LONP2: variants seen among roughly 807,000 people sequenced by gnomAD.
LONP2 encodes the protein lon peptidase 2, peroxisomal, also known as lon protease homolog 2, peroxisomal.
A neutral mutation model predicts 85.6 loss-of-function variants in LONP2; 60 were observed. The observed-to-expected ratio is 0.70, with a 90% CI of 0.57 to 0.87. LONP2 has a LOEUF of 0.87. Ranked by LOEUF, LONP2 falls within the 40% of genes least tolerant of loss-of-function variation. The pLI, the probability that LONP2 is intolerant of heterozygous loss-of-function variation, is 0.00. For missense variants in LONP2, 860 were observed against 1,063.5 expected, an observed-to-expected ratio of 0.81 and a Z score of 2.66; for synonymous variants, 395 against 389.7, an observed-to-expected ratio of 1.01 and a Z score of -0.16.
chr16:48,294,137 C>T (rs1596956304), intron 8 of LONP2, among the ~76,000 whole-genome samples: 2 of 152,186 alleles, frequency 1.3e-5, no homozygotes. Context: ...GACAGAGTTT[C>T]ACCATGTTGG....
chr16:48,258,747 A>G lies in LONP2; in HGVS notation c.723+7A>G. 1 of 1,593,178 alleles carries G rather than the reference A, an allele frequency of 6.3e-7. No homozygotes were observed. Among genetic ancestry groups the G allele is most frequent in the Non-Finnish European group, 8.5e-7 (1 of 1,173,738 alleles). ...GCAAGATGATGATAAGAGGGTAAAT[A>G]TTTATTTTAACCCATTTCAGTTTTG... On this transcript the variant is annotated splice_region_variant and intron_variant, in intron 4 of 14. Transcript: ENST00000285737.
rs1170296864 is a variant in LONP2, at chr16:48,252,140, A to G, written c.243A>G (p.Thr81=). The G allele has an allele frequency of 6.9e-6, 11 of 1,586,050 alleles. No individual in the cohort carries two copies. The highest frequency in any genetic ancestry group is 9.5e-6 in the Non-Finnish European group (11 of 1,162,060). ...QDLPPLHRIG[T]AALAVQVVGS... ...TTTGTGTGTTTTTCAGGATTGGCAC[A>G]GCTGCACTGGCCGTTCAGGTTGTGG... is the stretch of plus-strand genomic sequence containing the variant. The change falls in exon 2 of 15, where the codon ACA becomes ACG. Residue 81 remains threonine (T), a synonymous_variant. Coordinates refer to ENST00000285737, the MANE Select transcript of LONP2 (RefSeq NM_031490.5).
intron 11 of LONP2, among the ~76,000 whole-genome samples, chr16:48,316,046 C>CTTT (rs1973135094): frequency 6.8e-6 from 1 of 148,100 alleles, no homozygotes. Context: ...CTCACTCTGT[C>CTTT]ACCCAGGCTA....
chr16:48,334,509 G>T, intron 12 of LONP2, 151 bp downstream of exon 12: 1 of 927,356 alleles, frequency 1.1e-6, no homozygotes, highest in East Asian at 2.4e-5. Context: ...TTGTTGGTGT[G>T]GCCGCACTTC....
At chr16:48,297,663 A>T (rs1362905145) in intron 9 of LONP2, among the ~76,000 whole-genome samples, 2 of 151,808 alleles carry the variant, frequency 1.3e-5, no homozygotes, top group African/African-American at 4.8e-5. Flanking sequence ...TATTAATCTG[A>T]AATATATTTT....
At chr16:48,305,478 C>T (rs140244219) in intron 11 of LONP2, among the ~76,000 whole-genome samples, 1 of 152,200 alleles carries the variant, frequency 6.6e-6, no homozygotes, top group Non-Finnish European at 1.5e-5. Flanking sequence ...TGGTCTTCAA[C>T]TGCTAACCTC....
At chr16:48,288,129 T>G (rs1336911310) in intron 8 of LONP2, among the ~76,000 whole-genome samples, 3 of 151,214 alleles carry the variant, frequency 2.0e-5, no homozygotes, top group Non-Finnish European at 3.0e-5. Context: ...GTAAATAAAA[T>G]AAGAATGTAT....
In LONP2 at chr16:48,318,700, G is replaced by A. The variant is rs895116117; in HGVS notation, c.1795+15395G>A. Among the ~76,000 whole-genome samples, 4 of 152,208 alleles carry A rather than the reference G, an allele frequency of 2.6e-5. 1 individual carries two copies. Among genetic ancestry groups the A allele is most frequent in the Admixed American group, 1.3e-4 (2 of 15,288 alleles). On this transcript the variant is annotated intron_variant, in intron 11 of 14. Transcript: ENST00000285737. ...AAGTATACCTAGAGCCAAGGGGTCA[G>A]AGTGTCACAGAGGAGAGCCACATGC... is the stretch of plus-strand genomic sequence containing the variant.
chr16:48,319,330 A>G (rs1287468078), intron 11 of LONP2, among the ~76,000 whole-genome samples: 4 of 152,002 alleles, frequency 2.6e-5, no homozygotes, highest in Non-Finnish European at 4.4e-5. Context: ...GCAGTGAGCC[A>G]AAAATCAAGC....
intron 11 of LONP2, among the ~76,000 whole-genome samples, chr16:48,328,567 T>C (rs887556619): frequency 1.3e-4 from 20 of 151,518 alleles, no homozygotes; most frequent in African/African-American, 4.6e-4. Context: ...AATCTCAGCT[T>C]CTCAGGAGGC....
chr16:48,277,702 A>C (rs1972241701), intron 8 of LONP2, among the ~76,000 whole-genome samples: 3 of 151,562 alleles, frequency 2.0e-5, no homozygotes, highest in Admixed American at 2.0e-4. Context: ...TTTTAATCAG[A>C]TAGTTTAACA....
At chr16:48,339,441 G>C (rs577801836) in intron 12 of LONP2, among the ~76,000 whole-genome samples, 1 of 152,332 alleles carries the variant, frequency 6.6e-6, no homozygotes, top group Non-Finnish European at 1.5e-5. Flanking sequence ...ATGTTGAAGA[G>C]AGAATGGGAG....
chr16:48,346,143 C>T (rs1417099912), intron 12 of LONP2: 1 of 152,040 alleles, frequency 6.6e-6, no homozygotes, highest in African/African-American at 2.4e-5. Flanking sequence ...ATTTCATTGT[C>T]CAAGCCCCTT....
Position 48,309,057 on chromosome 16 carries a change from C to T in LONP2, c.1795+5752C>T, listed in dbSNP as rs147353804. On this transcript the variant is annotated intron_variant, in intron 11 of 14. Coordinates refer to ENST00000285737, the MANE Select transcript of LONP2 (RefSeq NM_031490.5). ...GCCAGGAAGCATTTGAAAAAATGCT[C>T]AATATCACTAATCATCAGAGAAATG... Among the ~76,000 whole-genome samples the T allele has an allele frequency of 2.0e-3, 299 of 152,086 alleles. 1 individual carries two copies. Among genetic ancestry groups the T allele is most frequent in the Admixed American group, 3.9e-3 (60 of 15,252 alleles).
intron 7 of LONP2, among the ~76,000 whole-genome samples, chr16:48,271,625 G>A (rs1431614747): frequency 6.6e-6 from 1 of 152,132 alleles, no homozygotes; most frequent in Non-Finnish European, 1.5e-5. Context: ...GCTCATGCCT[G>A]TAATCCCAGC....
At chr16:48,313,074 G>T (rs1451305016) in intron 11 of LONP2, among the ~76,000 whole-genome samples, 1 of 152,186 alleles carries the variant, frequency 6.6e-6, no homozygotes, top group African/African-American at 2.4e-5. Context: ...ATCTGGTAGT[G>T]TAAGTCTTCC....
intron 14 of LONP2, among the ~76,000 whole-genome samples, chr16:48,350,217 C>G (rs1484360464): frequency 6.6e-6 from 1 of 152,062 alleles, no homozygotes; most frequent in South Asian, 2.1e-4. Context: ...GAAACCCTGT[C>G]TCTACTAAAA....
intron 11 of LONP2, among the ~76,000 whole-genome samples, chr16:48,331,785 C>G (rs1330648528): frequency 1.3e-5 from 2 of 152,112 alleles, no homozygotes; most frequent in East Asian, 3.9e-4. Flanking sequence ...AGGATGGTCT[C>G]GATCTCCTGA....
intron 11 of LONP2, among the ~76,000 whole-genome samples, chr16:48,306,795 A>G (rs1294800934): frequency 6.6e-6 from 1 of 152,220 alleles, no homozygotes; most frequent in East Asian, 1.9e-4. Context: ...GGAGCTTAGT[A>G]ATGAAAATTT....
Sources: allele counts gnomAD v4.1 joint callset (sites outside exome capture counted in the v4.1 genomes callset), GRCh38; gene constraint gnomAD v4.1.1; transcripts MANE v1.5; gene names NCBI Gene and HGNC (gene_info 2026-07-23, HGNC 2026-07-21).